Variants in ALK observed in about 807,000 individuals in gnomAD.
ALK encodes ALK tyrosine kinase receptor.
A neutral mutation model predicts 163.1 loss-of-function variants in ALK; 74 were observed. That is an observed-to-expected ratio of 0.45 (90% CI 0.38 to 0.55). The LOEUF is 0.55. Ranked by LOEUF, ALK falls within the 20% of genes least tolerant of loss-of-function variation. The probability of loss-of-function intolerance (pLI) is 0.00; values close to 1 mark genes in which losing one functional copy is unlikely to be tolerated. For missense variants in ALK, 2,063 were observed against 2,105.3 expected (o/e 0.98, Z 0.39); for synonymous variants, 960 against 843.2 (o/e 1.14, Z -2.40).
intron 3 of ALK, among the ~76,000 whole-genome samples, chr2:29,682,581 C>G (rs867791968): frequency 2.0e-5 from 3 of 152,028 alleles, no homozygotes; most frequent in Non-Finnish European, 4.4e-5. Flanking sequence ...AAAAATAATT[C>G]TTAGGAGAGG....
intron 1 of ALK, among the ~76,000 whole-genome samples, chr2:29,719,825 C>T (rs1573581748): frequency 6.6e-6 from 1 of 152,184 alleles, no homozygotes; most frequent in East Asian, 1.9e-4. Context: ...CCTGGCAGGG[C>T]CCCCACGACA....
intron 1 of ALK, among the ~76,000 whole-genome samples, chr2:29,721,487 A>G (rs1239627514): frequency 1.3e-5 from 2 of 152,154 alleles, no homozygotes; most frequent in African/African-American, 4.8e-5. Flanking sequence ...CTCTCTTTCC[A>G]ATACAACTAG....
intron 11 of ALK, among the ~76,000 whole-genome samples, chr2:29,274,518 G>A (rs1195386402): frequency 6.6e-6 from 1 of 152,242 alleles, no homozygotes; most frequent in African/African-American, 2.4e-5. Context: ...TAGAAGAGTG[G>A]TGGAGAAGTC....
intron 1 of ALK, among the ~76,000 whole-genome samples, chr2:29,833,520 G>A (rs910460489): frequency 2.0e-5 from 3 of 152,186 alleles, no homozygotes; most frequent in Admixed American, 1.3e-4. Flanking sequence ...GCAAACATTA[G>A]GAAGAAATCC....
At chr2:29,888,479 C>T (rs1667051743) in intron 1 of ALK, among the ~76,000 whole-genome samples, 1 of 151,970 alleles carries the variant, frequency 6.6e-6, no homozygotes, top group African/African-American at 2.4e-5. Context: ...TCCCTTTTTC[C>T]CATCGAAACA....
At chr2:29,366,936 G>A (rs184483611) in intron 5 of ALK, among the ~76,000 whole-genome samples, 129 of 152,234 alleles carry the variant, frequency 8.5e-4, no homozygotes, top group African/African-American at 3.0e-3. Flanking sequence ...TGCTCCTGAA[G>A]GTCCTTTCCA....
intron 3 of ALK, among the ~76,000 whole-genome samples, chr2:29,567,062 T>A (rs1374276123): frequency 1.3e-5 from 2 of 152,216 alleles, no homozygotes; most frequent in Non-Finnish European, 2.9e-5. Context: ...ATTATATAAT[T>A]GATTTTTTAT....
intron 3 of ALK, among the ~76,000 whole-genome samples, chr2:29,645,179 G>A (rs11683135): frequency 0.021 from 3,261 of 152,226 alleles, 45 homozygotes; most frequent in South Asian, 0.033. Flanking sequence ...TATGAGAAAG[G>A]TGGAGTTATC....
chr2:29,309,634 C>T (rs141425088), intron 8 of ALK, among the ~76,000 whole-genome samples: 1 of 146,892 alleles, frequency 6.8e-6, no homozygotes, highest in Non-Finnish European at 1.5e-5. Context: ...GACTTTGGCT[C>T]AGAAAGCTCA....
At chr2:29,489,467 G>C (rs375652004) in intron 4 of ALK, among the ~76,000 whole-genome samples, 2 of 152,068 alleles carry the variant, frequency 1.3e-5, no homozygotes, top group African/African-American at 4.8e-5. Flanking sequence ...GCCCAACTAA[G>C]TTTTAATTTT....
intron 3 of ALK, among the ~76,000 whole-genome samples, chr2:29,539,753 A>C (rs888678008): frequency 1.3e-5 from 2 of 152,188 alleles, no homozygotes; most frequent in Non-Finnish European, 2.9e-5. Context: ...GGACTAAAAT[A>C]ATTTCTAATG....
rs1207209963 is a variant in ALK, at chr2:29,831,114, A to G, written c.667+88879T>C. The stretch of plus-strand genomic sequence containing the variant: ...GGAGGAGGAGGAGGAGGAGGAGAAG[A>G]AGAAGAAGAAGGGGAAGAAGGGGAA... On this transcript the variant is annotated intron_variant, in intron 1 of 28. Coordinates refer to ENST00000389048, the MANE Select transcript of ALK (RefSeq NM_004304.5). Among the ~76,000 whole-genome samples the G allele has an allele frequency of 6.3e-4, 31 of 49,130 alleles. 1 individual carries two copies. Among genetic ancestry groups the G allele is most frequent in the African/African-American group, 8.7e-4 (11 of 12,658 alleles). The allele number at this position is 49,130 out of a possible 152,430, so 32.2% of individuals were successfully genotyped here.
At chr2:29,315,355 G>T (rs1409122862) in intron 8 of ALK, among the ~76,000 whole-genome samples, 1 of 152,036 alleles carries the variant, frequency 6.6e-6, no homozygotes, top group African/African-American at 2.4e-5. Context: ...ATCATGGGGG[G>T]CTCCTGACCT....
intron 4 of ALK, among the ~76,000 whole-genome samples, chr2:29,474,972 A>C (rs1671470402): frequency 6.6e-6 from 1 of 152,204 alleles, no homozygotes; most frequent in South Asian, 2.1e-4. Context: ...TTCACTTTGA[A>C]GAGAGGAGTT....
Position 29,627,221 on chromosome 2 carries a change from C to T in ALK, c.952+67629G>A, listed in dbSNP as rs116907844. On this transcript the variant is annotated intron_variant, in intron 3 of 28. Transcript: ENST00000389048. The stretch of plus-strand genomic sequence containing the variant: ...GTTCTGTTTTGTAAAAGATTTCTCT[C>T]TTGTCCAATTAAAACAGAAAATTCT... Among the ~76,000 whole-genome samples, 99 of 152,332 alleles carry T rather than the reference C, an allele frequency of 6.5e-4. 1 individual carries two copies. In the East Asian group the frequency reaches 0.017, roughly 26 times the overall value.
chr2:29,713,106 A>C lies in ALK; in HGVS notation c.787+4472T>G, dbSNP rs182367273. On this transcript the variant is annotated intron_variant, in intron 2 of 28. Transcript: ENST00000389048. ...CCTCTTAGCTCCCAATGCTGCCCGC[A>C]ATCCTTGGTGTTCCTTGGCTTGTAG... Among the ~76,000 whole-genome samples the C allele has an allele frequency of 2.2e-4, 33 of 152,290 alleles. No individual in the cohort carries two copies. The East Asian group carries it at 5.0e-3, about 23-fold the overall frequency.
At position 29,419,424 on chromosome 2, in the gene ALK, T is replaced by C. The variant is rs1669963610; in HGVS notation, c.1155-35565A>G. 2.0e-5 allele frequency among the ~76,000 whole-genome samples: 3 copies of C among 151,438 alleles called. No homozygotes were observed. The South Asian group carries it at 6.2e-4, about 31-fold the overall frequency. ...ACAAGAGTTACCAGTAAAGCCTTCA[T>C]GACCTTGCAGCATGACTTGGAATGT... On this transcript the variant is annotated intron_variant, in intron 4 of 28. Coordinates refer to ENST00000389048, the MANE Select transcript of ALK (RefSeq NM_004304.5).
intron 9 of ALK, among the ~76,000 whole-genome samples, chr2:29,288,828 T>C (rs1316746537): frequency 1.3e-5 from 2 of 151,646 alleles, no homozygotes; most frequent in Admixed American, 1.3e-4. Context: ...GGTGGATGCC[T>C]GTAAGCCCAG....
intron 3 of ALK, among the ~76,000 whole-genome samples, chr2:29,583,123 C>G (rs1458494507): frequency 6.6e-6 from 1 of 151,060 alleles, no homozygotes; most frequent in Non-Finnish European, 1.5e-5. Flanking sequence ...AGGTGATCCA[C>G]CTGCCTCAGC....
Sources: gnomAD v4.1 joint callset for allele counts (sites outside exome capture counted in the v4.1 genomes callset) on GRCh38, gnomAD v4.1.1 for gene constraint, MANE v1.5 for transcripts, NCBI Gene and HGNC (gene_info 2026-07-23, HGNC 2026-07-21) for gene names.